The following KAZN variants were observed in gnomAD, a reference collection of about 807,000 sequenced individuals.
KAZN encodes the protein kazrin.
KAZN carries 40 observed loss-of-function variants against 87.4 expected under a neutral mutation model. The ratio of observed to expected loss-of-function variants is 0.46; its 90% CI spans 0.36 to 0.60. The LOEUF is 0.60. Ranked by LOEUF, KAZN falls within the 20% of genes least tolerant of loss-of-function variation. The probability of loss-of-function intolerance (pLI) is 0.00; values close to 1 mark genes in which losing one functional copy is unlikely to be tolerated. For synonymous variants in KAZN, 466 were observed against 458.3 expected, an observed-to-expected ratio of 1.02 and a Z score of -0.22; for missense variants, 898 against 1,073.9, an observed-to-expected ratio of 0.84 and a Z score of 2.29.
intron 1 of KAZN, among the ~76,000 whole-genome samples, chr1:13,914,567 G>A (rs1639773500): frequency 6.6e-6 from 1 of 152,212 alleles, no homozygotes; most frequent in Admixed American, 6.5e-5. Context: ...TGTGAGTACA[G>A]GGTATTCCAT....
At chr1:14,422,278 C>T (rs1366719675) in intron 2 of KAZN, among the ~76,000 whole-genome samples, 3 of 152,206 alleles carry the variant, frequency 2.0e-5, no homozygotes. Flanking sequence ...TCCGTGTTTA[C>T]TCAGCTATCT....
intron 8 of KAZN, among the ~76,000 whole-genome samples, chr1:15,083,026 C>T (rs144315367): frequency 1.7e-4 from 26 of 152,312 alleles, no homozygotes; most frequent in African/African-American, 6.3e-4. Flanking sequence ...CCCAGCCCTA[C>T]TGCAAGACTG....
At chr1:14,597,175 G>A (rs546522923), upstream of KAZN, among the ~76,000 whole-genome samples, 44 of 152,306 alleles carry the variant, frequency 2.9e-4, no homozygotes, top group African/African-American at 9.9e-4. Flanking sequence ...CAGTTGGTAA[G>A]AACTTGTGTT....
At chr1:13,954,579 A>T (rs1641472006) in intron 1 of KAZN, among the ~76,000 whole-genome samples, 1 of 151,860 alleles carries the variant, frequency 6.6e-6, no homozygotes, top group Non-Finnish European at 1.5e-5. Context: ...GTGTTCATGC[A>T]TGTCAACTCA....
At chr1:14,454,508 C>T (rs562987134) in intron 2 of KAZN, among the ~76,000 whole-genome samples, 1 of 152,310 alleles carries the variant, frequency 6.6e-6, no homozygotes, top group South Asian at 2.1e-4. Flanking sequence ...AACTTTCCAT[C>T]CTGCATTATA....
At chr1:14,362,286 G>C (rs1479520516) in intron 2 of KAZN, among the ~76,000 whole-genome samples, 1 of 152,158 alleles carries the variant, frequency 6.6e-6, no homozygotes. Flanking sequence ...TGGACAAAAG[G>C]CCTCAGTTGC....
intron 1 of KAZN, among the ~76,000 whole-genome samples, chr1:14,868,279 A>G (rs1018787283): frequency 2.0e-5 from 3 of 152,234 alleles, no homozygotes; most frequent in Non-Finnish European, 4.4e-5. Flanking sequence ...GTCTGAGGCC[A>G]CTGGAGGGGA....
At chr1:14,161,667 G>A (rs1385253817) in intron 1 of KAZN, among the ~76,000 whole-genome samples, 1 of 152,182 alleles carries the variant, frequency 6.6e-6, no homozygotes, top group Non-Finnish European at 1.5e-5. Flanking sequence ...GACTATCCAA[G>A]GGTGTGAATA....
chr1:14,563,854 T>C (rs1197920784), intron 2 of KAZN, among the ~76,000 whole-genome samples: 1 of 142,784 alleles, frequency 7.0e-6, no homozygotes, highest in Non-Finnish European at 1.5e-5. Flanking sequence ...CTGATTGCAC[T>C]CAGAGTATGG....
chr1:14,132,666 AC>A (rs143982223), intron 1 of KAZN, among the ~76,000 whole-genome samples: 2,311 of 152,254 alleles, frequency 0.015, 53 homozygotes, highest in African/African-American at 0.052. Context: ...TTGAGCCAAA[AC>A]CTGCCTTCTG....
intron 1 of KAZN, among the ~76,000 whole-genome samples, chr1:14,605,499 A>T (rs1640053536): frequency 6.6e-6 from 1 of 152,246 alleles, no homozygotes; most frequent in Non-Finnish European, 1.5e-5. Flanking sequence ...TAACATAAGC[A>T]GTTGACTTAT....
chr1:13,911,016 A>G (rs534875751), intron 1 of KAZN, among the ~76,000 whole-genome samples: 74 of 152,208 alleles, frequency 4.9e-4, no homozygotes, highest in African/African-American at 1.7e-3. Context: ...CAGGAACAAG[A>G]GAGAGATGGA....
At chr1:15,040,455 G>A (rs1171066118) in intron 3 of KAZN, among the ~76,000 whole-genome samples, 2 of 152,152 alleles carry the variant, frequency 1.3e-5, no homozygotes, top group African/African-American at 2.4e-5. Flanking sequence ...AGAAAGGAGG[G>A]GTCTTGGCCT....
chr1:14,860,401 AG>A (rs1428024595), intron 1 of KAZN, among the ~76,000 whole-genome samples: 1 of 152,176 alleles, frequency 6.6e-6, no homozygotes, highest in Non-Finnish European at 1.5e-5. Context: ...CATGTCGGCC[AG>A]GCTGGTCTCA....
chr1:14,426,355 A>G (rs1225121554), intron 2 of KAZN, among the ~76,000 whole-genome samples: 2 of 152,100 alleles, frequency 1.3e-5, no homozygotes, highest in Non-Finnish European at 2.9e-5. Flanking sequence ...ATGTATCACC[A>G]CAGGACTTAC....
chr1:13,993,053 T>A (rs1639357665), intron 1 of KAZN, among the ~76,000 whole-genome samples: 1 of 152,220 alleles, frequency 6.6e-6, no homozygotes, highest in Non-Finnish European at 1.5e-5. Flanking sequence ...TCCAGTGATG[T>A]CAGGCTTGAC....
chr1:14,898,677 C>T (rs1409928884), intron 1 of KAZN, among the ~76,000 whole-genome samples: 2 of 152,158 alleles, frequency 1.3e-5, no homozygotes, highest in Non-Finnish European at 2.9e-5. Flanking sequence ...GGGTGCAGGG[C>T]TGGAGGGACA....
chr1:14,729,414 C>G (rs1449925234), intron 1 of KAZN, among the ~76,000 whole-genome samples: 1 of 152,200 alleles, frequency 6.6e-6, no homozygotes, highest in Non-Finnish European at 1.5e-5. Flanking sequence ...TTCTTCCCTC[C>G]CACACTAATT....
At chr1:14,079,039 A>G (rs915284531) in intron 1 of KAZN, among the ~76,000 whole-genome samples, 19 of 152,206 alleles carry the variant, frequency 1.2e-4, no homozygotes, top group African/African-American at 4.3e-4. Context: ...GTTGCTGTAA[A>G]GGAATACCTC....
Sources: gnomAD v4.1 joint callset for allele counts (sites outside exome capture counted in the v4.1 genomes callset) on GRCh38, gnomAD v4.1.1 for gene constraint, MANE v1.5 for transcripts, NCBI Gene and HGNC (gene_info 2026-07-23, HGNC 2026-07-21) for gene names.